IPO8: variants seen among roughly 807,000 people sequenced by gnomAD.
The protein encoded by IPO8 is importin 8.
Under a neutral mutation model 141.2 loss-of-function variants are expected in IPO8, and 65 were observed. The ratio of observed to expected loss-of-function variants is 0.46; its 90% CI spans 0.38 to 0.57. IPO8 has a LOEUF of 0.57. Among genes scored for constraint, IPO8 ranks in the 20% least tolerant of loss-of-function variants. The pLI, the probability that IPO8 is intolerant of heterozygous loss-of-function variation, is 0.00. For missense variants in IPO8, 980 were observed against 1,246.8 expected (o/e 0.79, Z 3.22); for synonymous variants, 411 against 420.3 (o/e 0.98, Z 0.27).
At chr12:30,662,107 T>C (rs948439356) in intron 15 of IPO8, among the ~76,000 whole-genome samples, 8 of 152,190 alleles carry the variant, frequency 5.3e-5, no homozygotes, top group Non-Finnish European at 1.0e-4. Context: ...TAGGCAATCA[T>C]GACACAATGG....
intron 20 of IPO8, among the ~76,000 whole-genome samples, chr12:30,647,551 G>A (rs1418605675): frequency 2.5e-5 from 3 of 121,744 alleles, no homozygotes; most frequent in Non-Finnish European, 4.7e-5. Context: ...GCTGCAGTGA[G>A]CCAAGATTGT....
intron 20 of IPO8, 41 bp downstream of exon 20, chr12:30,649,096 A>G (rs774693016): frequency 2.3e-6 from 3 of 1,315,946 alleles, no homozygotes; most frequent in Non-Finnish European, 3.3e-6. Flanking sequence ...GTAAACTTCA[A>G]ATGTAACCCT....
At chr12:30,632,145 C>T in intron 23 of IPO8, 134 bp from the exon 24 acceptor site, 1 of 594,206 alleles carries the variant, frequency 1.7e-6, no homozygotes, top group South Asian at 2.0e-5. Flanking sequence ...ACAACACACA[C>T]AAGGTAATGA....
At chr12:30,676,739 T>C (rs1339738074) in intron 5 of IPO8, 152 bp from the exon 6 acceptor site, 5 of 762,552 alleles carry the variant, frequency 6.6e-6, no homozygotes, top group Non-Finnish European at 1.1e-5. Flanking sequence ...TTAAAACAGA[T>C]TCATACGACC....
At chr12:30,672,553 G>A (rs76617637) in intron 8 of IPO8, among the ~76,000 whole-genome samples, 5,908 of 152,036 alleles carry the variant, frequency 0.039, 365 homozygotes, top group African/African-American at 0.13. Flanking sequence ...TTTATAACAC[G>A]GATATAATGG....
At chr12:30,683,347 T>C (rs1467869365) in intron 3 of IPO8, among the ~76,000 whole-genome samples, 1 of 152,170 alleles carries the variant, frequency 6.6e-6, no homozygotes, top group Non-Finnish European at 1.5e-5. Flanking sequence ...CTCCTTCCTG[T>C]TACCCGTCGT....
chr12:30,661,151 T>C lies in IPO8; in HGVS notation c.1871A>G (p.Asp624Gly). 6.5e-7 allele frequency: 1 copy of C among 1,538,200 alleles called. No individual in the cohort carries two copies. The highest frequency in any genetic ancestry group is 8.7e-7 in the Non-Finnish European group (1 of 1,143,336). ...TIDTILTVVE[D>G]HKEITQQLEN... Reference sequence around the variant, plus strand: ...ACAAAGAAATCTCACCTCTTTATGATCTTCTACAACTGTTAAGATAGTATC... The same window carrying C: ...ACAAAGAAATCTCACCTCTTTATGACCTTCTACAACTGTTAAGATAGTATC... The change falls in exon 16 of 25, where the codon GAT becomes GGT. Residue 624 changes from aspartate (D) to glycine (G), a missense_variant. By Grantham distance (94) the Asp-to-Gly change is moderately conservative. Around this residue, in one of 3 missense-constraint regions of IPO8, gnomAD observed 924 missense variants for 1,153.9 expected, o/e 0.80. Coordinates refer to ENST00000256079, the MANE Select transcript of IPO8 (RefSeq NM_006390.4).
intron 1 of IPO8, among the ~76,000 whole-genome samples, chr12:30,692,639 C>T (rs1269875529): frequency 1.3e-5 from 2 of 152,182 alleles, no homozygotes; most frequent in Non-Finnish European, 2.9e-5. Flanking sequence ...CTGATGTCTC[C>T]TCCCATCCTC....
At chr12:30,658,054 A>G (rs2052826086) in intron 16 of IPO8, among the ~76,000 whole-genome samples, 1 of 152,176 alleles carries the variant, frequency 6.6e-6, no homozygotes, top group South Asian at 2.1e-4. Context: ...ATAAGTTAAA[A>G]TCTATGACGG....
In IPO8 at chr12:30,681,795, G is replaced by A. The variant is rs771206007; in HGVS notation, c.346C>T (p.Arg116Cys). ...GGAAAATCATGTTTTATGATGGCAC[G>A]GAGACACATTGTTAATTGGACTCTA... Reference protein sequence around the residue: ...LVRVQLTMCLRAIIKHDFPGH... With the variant: ...LVRVQLTMCLCAIIKHDFPGH... Residue 116 changes from arginine (R) to cysteine (C), a missense_variant, in exon 4 of 25, where the codon CGT becomes TGT. By Grantham distance (180) the Arg-to-Cys change is radical (BLOSUM62 -3). This residue lies in a region of IPO8 where 924 missense variants were observed against 1,153.9 expected (regional missense o/e 0.80). Transcript: ENST00000256079. The A allele has an allele frequency of 1.9e-6, 3 of 1,613,168 alleles. No individual in the cohort carries two copies. Among genetic ancestry groups the A allele is most frequent in the Non-Finnish European group, 1.7e-6 (2 of 1,179,480 alleles).
intron 20 of IPO8, 29 bp downstream of exon 20, chr12:30,649,108 A>C: frequency 6.9e-7 from 1 of 1,454,668 alleles, no homozygotes; most frequent in East Asian, 2.3e-5. Flanking sequence ...TGTAACCCTC[A>C]AGTAAGGCAC....
At chr12:30,645,176 C>T (rs1279955580) in intron 20 of IPO8, among the ~76,000 whole-genome samples, 1 of 151,586 alleles carries the variant, frequency 6.6e-6, no homozygotes, top group African/African-American at 2.4e-5. Context: ...AGTTCGAGAT[C>T]AGCCTGGCCA....
chr12:30,665,681 C>T (rs2052952910), intron 12 of IPO8, 48 bp downstream of exon 12: 2 of 1,190,964 alleles, frequency 1.7e-6, no homozygotes, highest in Admixed American at 3.5e-5. Context: ...TCTCATTTGC[C>T]TGTACTTTAC....
chr12:30,693,390 G>A (rs1205725731), intron 1 of IPO8, among the ~76,000 whole-genome samples: 1 of 152,136 alleles, frequency 6.6e-6, no homozygotes, highest in Non-Finnish European at 1.5e-5. Flanking sequence ...CTCCAAATGA[G>A]AATTTATCCA....
chr12:30,695,517 G>A lies in IPO8; in HGVS notation c.84+47C>T. 1 of 1,559,458 alleles carries A rather than the reference G, an allele frequency of 6.4e-7. No homozygotes were observed. Among genetic ancestry groups the A allele is most frequent in the Non-Finnish European group, 8.8e-7 (1 of 1,132,378 alleles). The stretch of plus-strand genomic sequence containing the variant: ...GGAGAGGGAGCCCGGCCAGCCGGCA[G>A]GGGCGCCCCTTCGGCGGAAGAGGGT... On this transcript the variant is annotated intron_variant, in intron 1 of 24. Coordinates refer to ENST00000256079, the MANE Select transcript of IPO8 (RefSeq NM_006390.4). This position sits in a 1 kb window ranked among gnomAD's most constrained non-coding sequence, Gnocchi z 4.2.
intron 20 of IPO8, among the ~76,000 whole-genome samples, chr12:30,640,256 T>C (rs901799026): frequency 6.6e-6 from 1 of 152,204 alleles, no homozygotes; most frequent in African/African-American, 2.4e-5. Flanking sequence ...AGGTGCAATA[T>C]TGATGAACTA....
intron 1 of IPO8, among the ~76,000 whole-genome samples, chr12:30,694,652 G>A (rs1175602405): frequency 6.6e-6 from 1 of 152,166 alleles, no homozygotes; most frequent in Non-Finnish European, 1.5e-5. Flanking sequence ...AAGTTCTCAG[G>A]TGATGCTGAA....
Position 30,634,095 on chromosome 12 carries a change from G to A in IPO8, c.2887C>T (p.Gln963Ter). The change falls in exon 23 of 25, where the codon CAA becomes TAA. Residue 963 changes from glutamine to a stop codon, truncating the protein, a stop_gained. Coordinates refer to ENST00000256079, the MANE Select transcript of IPO8 (RefSeq NM_006390.4). LOFTEE classifies it high-confidence loss of function. ...AGTAAAGACATACTTATCAGAGCTT[G>A]TGTAAAAAACTGATATTCATCCACA... ...NSVDEYQFFT[Q>*]ALITVQSRDA... The A allele has an allele frequency of 1.2e-6, 2 of 1,612,986 alleles. No individual in the cohort carries two copies. Among genetic ancestry groups the A allele is most frequent in the Non-Finnish European group, 1.7e-6 (2 of 1,179,052 alleles).
chr12:30,658,468 C>T (rs1469325895), intron 16 of IPO8, among the ~76,000 whole-genome samples: 1 of 152,082 alleles, frequency 6.6e-6, no homozygotes, highest in African/African-American at 2.4e-5. Context: ...ATTAGTGTGT[C>T]TCAATTTTCA....
Sources: allele counts gnomAD v4.1 joint callset (sites outside exome capture counted in the v4.1 genomes callset), GRCh38; gene constraint gnomAD v4.1.1; regional missense constraint gnomAD v4.1.1; non-coding constraint Gnocchi (gnomAD v3.1); transcripts MANE v1.5; gene names NCBI Gene and HGNC (gene_info 2026-07-23, HGNC 2026-07-21).